Variants in TMEM132C observed in about 807,000 individuals in gnomAD.
TMEM132C encodes the protein transmembrane protein 132C.
TMEM132C carries 29 observed loss-of-function variants against 61.4 expected under a neutral mutation model. The ratio of observed to expected loss-of-function variants is 0.47; its 90% confidence interval spans 0.35 to 0.64. The LOEUF is 0.64. Among genes scored for constraint, TMEM132C ranks in the 30% least tolerant of loss-of-function variants. The probability of loss-of-function intolerance (pLI) is 0.00; values close to 1 mark genes in which losing one functional copy is unlikely to be tolerated. For missense variants in TMEM132C, 1,408 were observed against 1,476.9 expected (o/e 0.95, Z 0.76); for synonymous variants, 656 against 633.1 (o/e 1.04, Z -0.54).
At chr12:128,293,375 A>T (rs2135910907) in intron 1 of TMEM132C, among the ~76,000 whole-genome samples, 1 of 152,306 alleles carries the variant, frequency 6.6e-6, no homozygotes, top group Admixed American at 6.5e-5. Context: ...TTTTTAGTGC[A>T]AAATGTAATC....
At chr12:128,356,436 C>A (rs1348563621) in intron 1 of TMEM132C, among the ~76,000 whole-genome samples, 1 of 152,142 alleles carries the variant, frequency 6.6e-6, no homozygotes, top group Non-Finnish European at 1.5e-5. Context: ...CCATGTATAC[C>A]CACCTGCAGA....
intron 1 of TMEM132C, among the ~76,000 whole-genome samples, chr12:128,342,797 G>T (rs1388941563): frequency 1.3e-5 from 2 of 152,204 alleles, no homozygotes; most frequent in East Asian, 1.9e-4. Context: ...GATGCTTGGG[G>T]ATGTTTCCTA....
intron 1 of TMEM132C, among the ~76,000 whole-genome samples, chr12:128,399,073 A>G (rs1196293855): frequency 6.6e-6 from 1 of 152,222 alleles, no homozygotes; most frequent in Non-Finnish European, 1.5e-5. Context: ...TTTGTCCCCT[A>G]AGACTTGTCA....
intron 2 of TMEM132C, among the ~76,000 whole-genome samples, chr12:128,468,011 C>T (rs1870797922): frequency 6.6e-6 from 1 of 152,184 alleles, no homozygotes; most frequent in Admixed American, 6.5e-5. Context: ...AAGGACATCA[C>T]TTGGAGGGGA....
chr12:128,615,629 A>G (rs929066075), intron 3 of TMEM132C, among the ~76,000 whole-genome samples: 4 of 152,084 alleles, frequency 2.6e-5, no homozygotes, highest in African/African-American at 7.2e-5. Flanking sequence ...CAGGAGGTGG[A>G]GCTCAGGTGA....
intron 3 of TMEM132C, among the ~76,000 whole-genome samples, chr12:128,562,128 T>C (rs1328833790): frequency 6.6e-6 from 1 of 152,152 alleles, no homozygotes; most frequent in East Asian, 1.9e-4. Flanking sequence ...ACCGCATCTC[T>C]CTCTCCTCTG....
At chr12:128,502,712 G>GGC (rs1872224479) in intron 2 of TMEM132C, among the ~76,000 whole-genome samples, 1 of 152,198 alleles carries the variant, frequency 6.6e-6, no homozygotes, top group Admixed American at 6.5e-5. Flanking sequence ...ACCTAGCCAA[G>GGC]GCAACAGGTT....
intron 2 of TMEM132C, among the ~76,000 whole-genome samples, chr12:128,418,380 T>C (rs925226576): frequency 6.6e-6 from 1 of 152,096 alleles, no homozygotes; most frequent in Non-Finnish European, 1.5e-5. Flanking sequence ...TCGGCTTAAT[T>C]TGAGTTGCCA....
At chr12:128,631,093 T>C (rs887989529) in intron 4 of TMEM132C, among the ~76,000 whole-genome samples, 1 of 152,222 alleles carries the variant, frequency 6.6e-6, no homozygotes, top group African/African-American at 2.4e-5. Flanking sequence ...TATGTGGTTT[T>C]GGTCCTGGTC....
At chr12:128,428,982 G>A (rs561227365) in intron 2 of TMEM132C, among the ~76,000 whole-genome samples, 2 of 152,312 alleles carry the variant, frequency 1.3e-5, no homozygotes, top group Admixed American at 6.5e-5. Context: ...ACATTACACA[G>A]AGAGTCTATT....
intron 4 of TMEM132C, among the ~76,000 whole-genome samples, chr12:128,647,351 G>T (rs1194700644): frequency 1.3e-5 from 2 of 151,488 alleles, no homozygotes; most frequent in Non-Finnish European, 2.9e-5. Context: ...GGATGTGAGT[G>T]TGTTTACTAG....
chr12:128,365,990 A>C (rs1383883832), intron 1 of TMEM132C, among the ~76,000 whole-genome samples: 1 of 152,210 alleles, frequency 6.6e-6, no homozygotes, highest in Non-Finnish European at 1.5e-5. Context: ...CCACTGCTGT[A>C]AACTCAGCTG....
In TMEM132C at chr12:128,314,902, G is replaced by C. The variant is rs148539378; in HGVS notation, c.85+47415G>C. ...GCAGCTACAGGGAATGAAATCAAATGGTTGTGAGATGATTCACAGAGCTCA... is the reference window on the plus strand; with the variant it reads ...GCAGCTACAGGGAATGAAATCAAATCGTTGTGAGATGATTCACAGAGCTCA... On this transcript the variant is annotated intron_variant, in intron 1 of 8. Transcript: ENST00000435159. Among the ~76,000 whole-genome samples, 90 of 152,296 alleles carry C rather than the reference G, an allele frequency of 5.9e-4. 1 individual carries two copies. The highest frequency in any genetic ancestry group is 2.0e-3 in the African/African-American group (83 of 41,552).
intron 4 of TMEM132C, among the ~76,000 whole-genome samples, chr12:128,660,561 A>C (rs1253893286): frequency 6.6e-6 from 1 of 152,174 alleles, no homozygotes; most frequent in Non-Finnish European, 1.5e-5. Flanking sequence ...TGCTTTCTCT[A>C]TGGGCTTCCC....
At chr12:128,605,471 C>G (rs1412043750) in intron 3 of TMEM132C, among the ~76,000 whole-genome samples, 1 of 152,126 alleles carries the variant, frequency 6.6e-6, no homozygotes, top group African/African-American at 2.4e-5. Flanking sequence ...TTAATTTCTC[C>G]CAGAAACACC....
intron 3 of TMEM132C, among the ~76,000 whole-genome samples, chr12:128,603,814 A>G (rs1451788824): frequency 6.6e-6 from 1 of 152,066 alleles, no homozygotes; most frequent in Non-Finnish European, 1.5e-5. Context: ...TGTGCAAACT[A>G]GAGTGTCCAC....
At chr12:128,594,303 C>T (rs868269574) in intron 3 of TMEM132C, among the ~76,000 whole-genome samples, 4 of 152,004 alleles carry the variant, frequency 2.6e-5, no homozygotes, top group East Asian at 1.9e-4. Flanking sequence ...TGCTGAGCCA[C>T]GTGCTATGGG....
chr12:128,626,944 G>A (rs1472595331), intron 4 of TMEM132C, among the ~76,000 whole-genome samples: 2 of 152,154 alleles, frequency 1.3e-5, no homozygotes, highest in African/African-American at 2.4e-5. Flanking sequence ...ACCCCAGCCT[G>A]CCGAGTCAAG....
chr12:128,364,003 T>G (rs930902619), intron 1 of TMEM132C, among the ~76,000 whole-genome samples: 4 of 151,986 alleles, frequency 2.6e-5, no homozygotes, highest in Admixed American at 6.6e-5. Flanking sequence ...CTGGTGGTGC[T>G]TCATGGAGGA....
Sources: allele counts gnomAD v4.1 joint callset (sites outside exome capture counted in the v4.1 genomes callset), GRCh38; gene constraint gnomAD v4.1.1; transcripts MANE v1.5; gene names NCBI Gene and HGNC (gene_info 2026-07-23, HGNC 2026-07-21).